Variants in NIN observed in about 807,000 individuals in gnomAD.
NIN encodes the protein glycogen synthase kinase 3 beta-interacting protein.
NIN carries 137 observed loss-of-function variants against 257.6 expected under a neutral mutation model. The observed-to-expected ratio is 0.53, with a 90% CI of 0.46 to 0.61. The LOEUF (loss-of-function observed/expected upper bound fraction) is 0.61. NIN is among the 20% of genes least tolerant of loss of function. NIN has a pLI of 0.00. For synonymous variants in NIN, 918 were observed against 919.8 expected (o/e 1.00, Z 0.04); for missense variants, 2,439 against 2,501.2 (o/e 0.98, Z 0.53).
In NIN at chr14:50,723,570, C is replaced by T. The variant is rs554127497; in HGVS notation, c.6295G>A (p.Ala2099Thr). The change falls in exon 31 of 31, where the codon GCA (alanine) becomes ACA (threonine). Residue 2099 changes from alanine (A) to threonine (T), a missense_variant. By Grantham distance (58) the Ala-to-Thr change is moderately conservative (BLOSUM62 0). Transcript: ENST00000530997. The stretch of plus-strand genomic sequence containing the variant: ...TCCAGGAGGTAATTTTTCTTCTCTG[C>T]TGTTTTCTGTCGCTGTTCAGTCACT... ...LEVTEQRQKT[A>T]EKKNYLLEEK... is the part of the protein sequence containing the mutation. The T allele has an allele frequency of 2.2e-5, 35 of 1,613,920 alleles. No homozygotes were observed. The East Asian group carries it at 7.4e-4, about 34-fold the overall frequency.
At chr14:50,775,433 A>T (rs1470214219) in intron 7 of NIN, among the ~76,000 whole-genome samples, 1 of 152,188 alleles carries the variant, frequency 6.6e-6, no homozygotes, top group Non-Finnish European at 1.5e-5. Flanking sequence ...CTATAAAATG[A>T]GAGGTGACTA....
At chr14:50,735,675 C>T (rs1188682742) in intron 27 of NIN, 58 bp from the exon 28 acceptor site, 3 of 1,539,194 alleles carry the variant, frequency 1.9e-6, no homozygotes, top group Admixed American at 2.0e-5. Context: ...TTGAGTTGTT[C>T]TACTTTATTT....
intron 28 of NIN, chr14:50,730,861 G>T: frequency 2.4e-6 from 3 of 1,246,760 alleles, no homozygotes; most frequent in Non-Finnish European, 3.1e-6. Context: ...GAAATAACAT[G>T]AGCAAGGGGT....
At position 50,741,661 on chromosome 14, in the gene NIN, C is replaced by A. The variant is rs369558417; in HGVS notation, c.5369G>T (p.Arg1790Leu). The part of the protein sequence containing the change: ...LQMSRMKSDL[R>L]VTQQEKEALK... Reference sequence around the variant, plus strand: ...AGCCTCCTTTTCCTGCTGAGTCACTCGTAGGTCAGATTTCATCCGGGACAT... The same window carrying A: ...AGCCTCCTTTTCCTGCTGAGTCACTAGTAGGTCAGATTTCATCCGGGACAT... Residue 1790 changes from arginine (R) to leucine (L), a missense_variant, in exon 25 of 31, where the codon CGA (arginine) becomes CTA (leucine). By Grantham distance (102) the Arg-to-Leu change is moderately radical. Coordinates refer to ENST00000530997, the MANE Select transcript of NIN (RefSeq NM_020921.4). The A allele has an allele frequency of 6.2e-7, 1 of 1,613,976 alleles. No individual in the cohort carries two copies. Among genetic ancestry groups the A allele is most frequent in the African/African-American group, 1.3e-5 (1 of 74,922 alleles).
At chr14:50,780,008 C>T (rs1330990272) in intron 5 of NIN, among the ~76,000 whole-genome samples, 3 of 152,214 alleles carry the variant, frequency 2.0e-5, no homozygotes, top group Non-Finnish European at 4.4e-5. Flanking sequence ...TCACAGCATA[C>T]AGTTGTAATT....
At chr14:50,764,001 C>A in intron 14 of NIN, 37 bp from the exon 15 acceptor site, 1 of 1,563,560 alleles carries the variant, frequency 6.4e-7, no homozygotes, top group Non-Finnish European at 8.8e-7. Context: ...TTAGATGTGA[C>A]ACCAAAAGCA....
chr14:50,739,787 C>T (rs982594641), intron 25 of NIN, among the ~76,000 whole-genome samples: 1 of 152,192 alleles, frequency 6.6e-6, no homozygotes, highest in Admixed American at 6.5e-5. Flanking sequence ...CCATAAAGGA[C>T]CCAAATGCAT....
chr14:50,795,241 A>C (rs1566855791), intron 4 of NIN, among the ~76,000 whole-genome samples: 1 of 152,230 alleles, frequency 6.6e-6, no homozygotes, highest in African/African-American at 2.4e-5. Flanking sequence ...CCAATAACGA[A>C]GTGGACTAAT....
rs1276453361 is a variant in NIN at position 50,772,021 on chromosome 14, C to CA, written c.981+279dup. The CA allele has an allele frequency of 2.8e-4, 71 of 251,946 alleles. 1 individual carries two copies. The highest frequency in any genetic ancestry group is 1.8e-3 in the East Asian group (23 of 12,856). The allele number at this position is 251,946 out of a possible 1,614,324, so 15.6% of individuals were successfully genotyped here. On this transcript the variant is annotated intron_variant, in intron 9 of 30. Transcript: ENST00000530997. ...CAAACAACAAAAAACAAAAAAAAAA[C>CA]ACAACAACAACAACAACAACACTAT...
At chr14:50,789,302 C>T (rs1206635054) in intron 5 of NIN, among the ~76,000 whole-genome samples, 5 of 152,166 alleles carry the variant, frequency 3.3e-5, no homozygotes, top group African/African-American at 4.8e-5. Flanking sequence ...AGGCCGGGAG[C>T]GGTGGCTCAC....
At chr14:50,738,737 G>A (rs1002669857) in intron 26 of NIN, among the ~76,000 whole-genome samples, 6 of 152,176 alleles carry the variant, frequency 3.9e-5, no homozygotes, top group African/African-American at 4.8e-5. Context: ...TGCAGCATCC[G>A]TGATAGCAGT....
Position 50,744,339 on chromosome 14 carries a change from G to C in NIN, c.5091C>G (p.Asp1697Glu). Reference sequence around the variant, plus strand: ...GAACACTAGAGATTTTTTGCTGGAAGTCAGAGAGATCGGGACATCTGTGCA... The same window carrying C: ...GAACACTAGAGATTTTTTGCTGGAACTCAGAGAGATCGGGACATCTGTGCA... ...KQLHRCPDLS[D>E]FQQKISSVLS... is the part of the protein sequence containing the mutation. The change falls in exon 23 of 31, where the codon GAC (aspartate) becomes GAG (glutamate). Residue 1697 changes from aspartate (D) to glutamate (E), a missense_variant. Coordinates refer to ENST00000530997, the MANE Select transcript of NIN (RefSeq NM_020921.4). 6.2e-7 allele frequency: 1 copy of C among 1,614,080 alleles called. No homozygotes were observed. Among genetic ancestry groups the C allele is most frequent in the Admixed American group, 1.7e-5 (1 of 60,032 alleles).
chr14:50,805,371 A>C (rs2044279453), intron 4 of NIN, among the ~76,000 whole-genome samples: 1 of 152,216 alleles, frequency 6.6e-6, no homozygotes, highest in Non-Finnish European at 1.5e-5. Context: ...TTTGTCTGGA[A>C]AATTTCAAGA....
intron 2 of NIN, among the ~76,000 whole-genome samples, chr14:50,822,684 C>T (rs1951476): frequency 0.11 from 16,742 of 152,186 alleles, 980 homozygotes; most frequent in Non-Finnish European, 0.13. Flanking sequence ...ATGAACACGA[C>T]GTCTGCTACA....
In NIN at chr14:50,739,323, C is replaced by A. The variant is rs753957846; in HGVS notation, c.5613G>T (p.Thr1871=). ...TMVQNTKAEL[T]HSREKVRQLE... ...CTCCAATTACCTTCTCCCGGGAGTG[C>A]GTGAGTTCGGCTTTGGTGTTCTGTA... The change falls in exon 26 of 31, where the codon ACG becomes ACT. Residue 1871 remains threonine, a synonymous_variant. Coordinates refer to ENST00000530997, the MANE Select transcript of NIN (RefSeq NM_020921.4). 9.9e-6 allele frequency: 16 copies of A among 1,613,906 alleles called. No individual in the cohort carries two copies. In the African/African-American group the frequency reaches 1.1e-4, roughly 11 times the overall value.
chr14:50,793,437 A>T (rs2043690097), intron 4 of NIN, among the ~76,000 whole-genome samples: 1 of 152,146 alleles, frequency 6.6e-6, no homozygotes, highest in Non-Finnish European at 1.5e-5. Context: ...CATTCTAAGC[A>T]ATTAATGACA....
chr14:50,780,577 A>T (rs1264141027), intron 5 of NIN, among the ~76,000 whole-genome samples: 1 of 152,200 alleles, frequency 6.6e-6, no homozygotes, highest in Non-Finnish European at 1.5e-5. Flanking sequence ...CACACTCACT[A>T]GTGGTAGTTC....
At chr14:50,767,235 T>C (rs1190933980) in intron 12 of NIN, among the ~76,000 whole-genome samples, 2 of 152,178 alleles carry the variant, frequency 1.3e-5, no homozygotes, top group African/African-American at 4.8e-5. Flanking sequence ...GTAAAATAGC[T>C]CAGTAATATT....
Position 50,723,489 on chromosome 14 carries a change from T to G in NIN, c.6376A>C (p.Thr2126Pro). The stretch of plus-strand genomic sequence containing the variant: ...TATGACCTCAAAGGAGGTGTAGAAG[T>G]CAATGGCGCTGGTGTCAGATTCCTA... ...IVRNLTPAPL[T>P]STPPLRS is the part of the protein sequence containing the mutation. Residue 2126 changes from threonine to proline, a missense_variant, in exon 31 of 31, where the codon ACT (threonine) becomes CCT (proline). By Grantham distance (38) the Thr-to-Pro change is conservative. Transcript: ENST00000530997. 3 of 1,612,908 alleles carry G rather than the reference T, an allele frequency of 1.9e-6. No individual in the cohort carries two copies. Among genetic ancestry groups the G allele is most frequent in the Non-Finnish European group, 2.5e-6 (3 of 1,179,782 alleles).
Sources: gnomAD v4.1 joint callset for allele counts (sites outside exome capture counted in the v4.1 genomes callset) on GRCh38, gnomAD v4.1.1 for gene constraint, MANE v1.5 for transcripts, NCBI Gene and HGNC (gene_info 2026-07-23, HGNC 2026-07-21) for gene names.